The following TTC3 variants were observed in gnomAD, a reference collection of about 807,000 sequenced individuals.
TTC3 encodes E3 ubiquitin-protein ligase TTC3.
In TTC3, 180 loss-of-function variants were observed where a neutral mutation model predicts 249.6. The observed-to-expected ratio is 0.72, with a 90% CI of 0.64 to 0.82. The LOEUF (loss-of-function observed/expected upper bound fraction) is 0.82, where lower values mean the gene tolerates loss of function less well. TTC3 is among the 40% of genes least tolerant of loss of function. TTC3 has a pLI of 0.00. For missense variants in TTC3, 2,061 were observed against 2,398.4 expected, an observed-to-expected ratio of 0.86 and a Z score of 2.94; for synonymous variants, 717 against 805.0, an observed-to-expected ratio of 0.89 and a Z score of 1.85.
exon 33 of TTC3, chr21:37,166,448 G>A (rs780446581): frequency 6.2e-7 from 1 of 1,614,132 alleles, no homozygotes; most frequent in Non-Finnish European, 8.5e-7. Context: ...GGGCTCTTTG[G>A]GAATATCTGT....
chr21:37,094,263 T>C (rs892095666), intron 8 of TTC3, among the ~76,000 whole-genome samples, 173 bp downstream of exon 8: 15 of 152,190 alleles, frequency 9.9e-5, no homozygotes, highest in African/African-American at 3.6e-4. Context: ...AAACCATTAA[T>C]TGAAAGTGAA....
intron 34 of TTC3, among the ~76,000 whole-genome samples, chr21:37,170,892 T>C (rs2081715146): frequency 6.6e-6 from 1 of 152,208 alleles, no homozygotes; most frequent in African/African-American, 2.4e-5. Flanking sequence ...GTTTGAACAT[T>C]TACATATAAT....
intron 20 of TTC3, among the ~76,000 whole-genome samples, chr21:37,140,901 A>C (rs1484738354): frequency 6.6e-6 from 1 of 152,252 alleles, no homozygotes; most frequent in South Asian, 2.1e-4. Context: ...TAAGTCAACA[A>C]TATAGTAATT....
chr21:37,190,629 C>T (rs1393304278), intron 39 of TTC3, among the ~76,000 whole-genome samples: 1 of 152,168 alleles, frequency 6.6e-6, no homozygotes, highest in Non-Finnish European at 1.5e-5. Context: ...CTCATTTCAT[C>T]TAATAGTATC....
At chr21:37,194,000 AAC>A (rs2084542907) in intron 41 of TTC3, 1 of 152,218 alleles carries the variant, frequency 6.6e-6, no homozygotes, top group African/African-American at 2.4e-5. Flanking sequence ...TTCCAGATGG[AAC>A]ACACAGTGCT....
chr21:37,145,444 A>T (rs2080246412), intron 21 of TTC3, among the ~76,000 whole-genome samples: 1 of 152,236 alleles, frequency 6.6e-6, no homozygotes. Flanking sequence ...GTGAGATACC[A>T]CTTCACACTC....
chr21:37,119,874 T>C (rs1451417176), intron 11 of TTC3, among the ~76,000 whole-genome samples: 2 of 152,038 alleles, frequency 1.3e-5, no homozygotes, highest in African/African-American at 4.8e-5. Context: ...ACTTTTACCA[T>C]GTAGTGGGAT....
chr21:37,099,787 A>G (rs1328984970), intron 10 of TTC3, among the ~76,000 whole-genome samples: 4 of 152,216 alleles, frequency 2.6e-5, no homozygotes, highest in Non-Finnish European at 5.9e-5. Context: ...TTCTAGGCTC[A>G]TATCCTCTGA....
At chr21:37,110,030 G>C (rs2075502565) in intron 11 of TTC3, among the ~76,000 whole-genome samples, 2 of 86,958 alleles carry the variant, frequency 2.3e-5, no homozygotes, top group Non-Finnish European at 5.1e-5. Flanking sequence ...CTAACAGAAA[G>C]GACATCCACC....
intron 39 of TTC3, among the ~76,000 whole-genome samples, chr21:37,189,209 G>A (rs2083681414): frequency 1.3e-5 from 2 of 152,100 alleles, no homozygotes; most frequent in South Asian, 4.1e-4. Flanking sequence ...ATTCACACAT[G>A]TTAATTTTTT....
At chr21:37,122,549 C>T (rs1005136395) in intron 12 of TTC3, among the ~76,000 whole-genome samples, 1 of 150,972 alleles carries the variant, frequency 6.6e-6, no homozygotes, top group Non-Finnish European at 1.5e-5. Flanking sequence ...TTTTTGCTTT[C>T]TCCAATGCCT....
rs150009449 is a variant in TTC3 at position 37,140,345 on chromosome 21, C to T, written c.1660-216C>T. ...TTATAGGTTGATTGTCTGATGTGTT[C>T]AGCAGGATTGGTTTGGTTGTGTCTC... is the stretch of plus-strand genomic sequence containing the variant. On this transcript the variant is annotated intron_variant, in intron 19 of 45. Coordinates refer to ENST00000355666, the Ensembl canonical transcript of TTC3. Among the ~76,000 whole-genome samples the T allele has an allele frequency of 1.2e-3, 186 of 152,272 alleles. 1 individual carries two copies. The highest frequency in any genetic ancestry group is 4.1e-3 in the African/African-American group (172 of 41,550).
chr21:37,144,766 C>T (rs181751740), intron 21 of TTC3, 121 bp downstream of exon 21: 385 of 1,195,182 alleles, frequency 3.2e-4, no homozygotes, highest in Admixed American at 6.5e-4. Context: ...CACGCATTTC[C>T]CCTCTACTGT....
chr21:37,085,620 C>T (rs75557457), intron 1 of TTC3, among the ~76,000 whole-genome samples: 811 of 152,266 alleles, frequency 5.3e-3, no homozygotes, highest in Non-Finnish European at 8.8e-3. Flanking sequence ...GAACTGGTTT[C>T]GACCCAGGTA....
chr21:37,165,005 C>A (rs1683864519), intron 32 of TTC3, among the ~76,000 whole-genome samples: 1 of 152,104 alleles, frequency 6.6e-6, no homozygotes, highest in Admixed American at 6.5e-5. Flanking sequence ...AAATGCTGAG[C>A]AAATCATATT....
rs777165651 is a variant in TTC3 at position 37,166,038 on chromosome 21, C to A, written c.3824C>A (p.Ser1275Tyr). 5 of 1,614,070 alleles carry A rather than the reference C, an allele frequency of 3.1e-6. No homozygotes were observed. The East Asian group carries it at 1.1e-4, about 36-fold the overall frequency. The change falls in exon 33 of 46, where the codon TCT (serine) becomes TAT (tyrosine). Residue 1275 changes from serine to tyrosine, a missense_variant. Ser to Tyr is a moderately radical substitution (Grantham distance 144). Coordinates refer to ENST00000355666, the Ensembl canonical transcript of TTC3. ...GAGGATGGGCAACCCAAAGGGGTCT[C>A]TTCTAATTCTCCTAAACCAGGCTCT...
exon 46 of TTC3, chr21:37,202,110 G>A (rs960290583): frequency 6.6e-6 from 1 of 152,164 alleles, no homozygotes; most frequent in Non-Finnish European, 1.5e-5. Flanking sequence ...TATAGTTAAT[G>A]TTAAAATATT....
intron 17 of TTC3, among the ~76,000 whole-genome samples, chr21:37,134,377 G>A (rs571483420): frequency 4.6e-5 from 7 of 151,022 alleles, no homozygotes; most frequent in South Asian, 2.1e-4. Flanking sequence ...CTTGAACCCC[G>A]AGGTGGAGGT....
chr21:37,117,092 G>A (rs1201584399), intron 11 of TTC3, among the ~76,000 whole-genome samples: 1 of 152,054 alleles, frequency 6.6e-6, no homozygotes, highest in Non-Finnish European at 1.5e-5. Context: ...GAGAAAAATA[G>A]AATATAGCAA....
Sources: allele counts gnomAD v4.1 joint callset (sites outside exome capture counted in the v4.1 genomes callset), GRCh38; gene constraint gnomAD v4.1.1; transcripts MANE v1.5; gene names NCBI Gene and HGNC (gene_info 2026-07-23, HGNC 2026-07-21).